Variants in ZDHHC11B observed in about 807,000 individuals in gnomAD.
ZDHHC11B encodes probable palmitoyltransferase ZDHHC11B.
ZDHHC11B carries 17 observed loss-of-function variants against 42.3 expected under a neutral mutation model. The ratio of observed to expected loss-of-function variants is 0.40; its 90% CI spans 0.27 to 0.60. The LOEUF is 0.60. Ranked by LOEUF, ZDHHC11B falls within the 20% of genes least tolerant of loss-of-function variation. ZDHHC11B has a pLI of 0.41. For synonymous variants in ZDHHC11B, 123 were observed against 193.5 expected (o/e 0.64, Z 3.02); for missense variants, 262 against 463.2 (o/e 0.57, Z 3.99).
intron 4 of ZDHHC11B, among the ~76,000 whole-genome samples, chr5:764,426 G>A (rs1233851286): frequency 2.0e-5 from 3 of 151,600 alleles, no homozygotes; most frequent in Admixed American, 6.6e-5. Context: ...GTTCGGGGTG[G>A]GCATGGGCTC....
In ZDHHC11B at chr5:748,623, G is replaced by A. The variant is rs1204469393; in HGVS notation, c.629-64C>T. On this transcript the variant is annotated intron_variant, in intron 7 of 13. Transcript: ENST00000508859. Reference sequence around the variant, plus strand: ...CTGACGGGTGCCACATCAGGTGGATGTCACAGACCAGAGCTTGCTGGGGAT... The same window carrying A: ...CTGACGGGTGCCACATCAGGTGGATATCACAGACCAGAGCTTGCTGGGGAT... 16 of 1,297,320 alleles carry A rather than the reference G, an allele frequency of 1.2e-5. 3 individuals are homozygous for A. The highest frequency in any genetic ancestry group is 1.6e-5 in the Non-Finnish European group (16 of 978,856). 80.4% of individuals were successfully genotyped at this position (1,297,320 alleles called of 1,614,324 possible).
chr5:784,385 G>A (rs1470985951), intron 1 of ZDHHC11B, among the ~76,000 whole-genome samples: 2 of 151,928 alleles, frequency 1.3e-5, no homozygotes, highest in Non-Finnish European at 2.9e-5. Context: ...CACAGGGCCC[G>A]GAGAAAGTGA....
In ZDHHC11B at chr5:711,219, TACTGTGC is replaced by T. The variant is rs1561105485; in HGVS notation, c.*1064_*1070del. 1 of 152,884 alleles carries T rather than the reference TACTGTGC, an allele frequency of 6.5e-6. No individual in the cohort carries two copies. The highest frequency in any genetic ancestry group is 1.4e-5 in the Non-Finnish European group (1 of 69,076). 9.5% of individuals were successfully genotyped at this position (152,884 alleles called of 1,614,324 possible). On this transcript the variant is annotated 3_prime_UTR_variant, in exon 14 of 14. Transcript: ENST00000508859. ...AGTGCTGTGCCCTCCCCTTTCCCAG[TACTGTGC>T]TCCCATTTCCCAATACTGTGCTCCC...
chr5:751,480 CATGCA>C (rs1467435886), intron 6 of ZDHHC11B, among the ~76,000 whole-genome samples: 731 of 28,798 alleles, frequency 0.025, 9 homozygotes, highest in Middle Eastern at 0.05. Flanking sequence ...GGGGCGGGGG[CATGCA>C]GGGCAGGTGG....
chr5:757,306 C>T (rs190147908), intron 4 of ZDHHC11B, among the ~76,000 whole-genome samples: 175 of 151,382 alleles, frequency 1.2e-3, no homozygotes, highest in African/African-American at 3.9e-3. Flanking sequence ...TCCTCCTTGG[C>T]CCCAGGGGTG....
intron 4 of ZDHHC11B, among the ~76,000 whole-genome samples, chr5:759,812 C>T (rs1485724269): frequency 1.3e-5 from 2 of 151,894 alleles, no homozygotes; most frequent in East Asian, 3.9e-4. Context: ...GCTGCAGCCA[C>T]TGGGCCTGGG....
At chr5:725,374 G>GAGAACCA (rs1742519393) in intron 12 of ZDHHC11B, among the ~76,000 whole-genome samples, 1 of 137,998 alleles carries the variant, frequency 7.2e-6, no homozygotes. Context: ...CCCAGGCTCT[G>GAGAACCA]GAATGGTGAG....
chr5:765,766 G>A (rs563737450), intron 4 of ZDHHC11B, among the ~76,000 whole-genome samples: 17 of 152,024 alleles, frequency 1.1e-4, no homozygotes, highest in Admixed American at 5.9e-4. Context: ...CCACCAGAAG[G>A]AAGAAATTCT....
At chr5:774,403 AG>A (rs1289554752) in intron 1 of ZDHHC11B, among the ~76,000 whole-genome samples, 4 of 152,206 alleles carry the variant, frequency 2.6e-5, no homozygotes, top group Admixed American at 6.5e-5. Flanking sequence ...CTCTGTCACT[AG>A]GAACAGGGGT....
chr5:751,550 CATGCAGGGCAGGTGGGGGGTGCAGAG>C lies in ZDHHC11B; in HGVS notation c.504-319_504-294del, dbSNP rs1334957315. 3.9e-3 allele frequency among the ~76,000 whole-genome samples: 130 copies of C among 33,436 alleles called. 1 individual carries two copies. The highest frequency in any genetic ancestry group is 0.011 in the African/African-American group (92 of 8,458). The allele number at this position is 33,436 out of a possible 152,430, so 21.9% of individuals were successfully genotyped here. On this transcript the variant is annotated intron_variant, in intron 6 of 13. Coordinates refer to ENST00000508859, the MANE Select transcript of ZDHHC11B (RefSeq NM_001351303.2). The stretch of plus-strand genomic sequence containing the variant: ...AGGGCATCTGGGGCAGGGGTGGGGG[CATGCAGGGCAGGTGGGGGGTGCAGAG>C]GCAGGGATGGGGACGCGCAGGGCAT...
At chr5:754,667 G>T (rs1354125815) in intron 6 of ZDHHC11B, among the ~76,000 whole-genome samples, 1 of 104,308 alleles carries the variant, frequency 9.6e-6, no homozygotes. Context: ...CCTTGTGCTG[G>T]ATGAGCCTCA....
chr5:783,348 C>T (rs565621038), intron 1 of ZDHHC11B, among the ~76,000 whole-genome samples: 46 of 152,336 alleles, frequency 3.0e-4, no homozygotes, highest in African/African-American at 1.0e-3. Context: ...CCTCACTCCC[C>T]TCCACTTCCT....
chr5:749,523 T>A lies in ZDHHC11B; in HGVS notation c.629-964A>T, dbSNP rs1745328171. 1.5e-5 allele frequency among the ~76,000 whole-genome samples: 2 copies of A among 129,952 alleles called. 1 individual carries two copies. The highest frequency in any genetic ancestry group is 3.4e-5 in the Non-Finnish European group (2 of 58,404). The allele number at this position is 129,952 out of a possible 152,430, so 85.3% of individuals were successfully genotyped here. A position where few individuals can be genotyped will look rare whatever the true frequency, so the allele number is the denominator to read the frequency against. ...AGTGCCTGGGCCGGGCTGGACCCCA[T>A]GCTGCCCCCCTTAGCCAGTGACATC... On this transcript the variant is annotated intron_variant, in intron 7 of 13. Coordinates refer to ENST00000508859, the MANE Select transcript of ZDHHC11B (RefSeq NM_001351303.2).
chr5:763,656 T>A (rs1346949080), intron 4 of ZDHHC11B, among the ~76,000 whole-genome samples: 2 of 151,722 alleles, frequency 1.3e-5, no homozygotes, highest in Admixed American at 1.3e-4. Flanking sequence ...GCACGTGGGC[T>A]CCTGATGTGA....
At position 750,829 on chromosome 5, in the gene ZDHHC11B, C is replaced by T. The variant is rs1470511575; in HGVS notation, c.628+304G>A. Among the ~76,000 whole-genome samples the T allele has an allele frequency of 1.5e-5, 2 of 129,310 alleles. 1 individual carries two copies. The highest frequency in any genetic ancestry group is 3.4e-5 in the Non-Finnish European group (2 of 58,068). The allele number at this position is 129,310 out of a possible 152,430, so 84.8% of individuals were successfully genotyped here. A position where few individuals can be genotyped will look rare whatever the true frequency, so the allele number is the denominator to read the frequency against. On this transcript the variant is annotated intron_variant, in intron 7 of 13. Transcript: ENST00000508859. ...CCACAGGATGGTGTGACAGGTGCTA[C>T]AGGGCTGACTGCGGAGGGCAGGGGC...
chr5:756,883 G>A (rs1378498385), intron 4 of ZDHHC11B, among the ~76,000 whole-genome samples: 2 of 151,604 alleles, frequency 1.3e-5, no homozygotes, highest in Non-Finnish European at 2.9e-5. Flanking sequence ...AGGGACCCCA[G>A]ACTCATTCAG....
rs1741360595 is a variant in ZDHHC11B, at chr5:711,394, ACTGTGCTCCCATTTCCCAGTG to A, written c.*875_*895del. Reference sequence around the variant, plus strand: ...GTGCTGTGAGCTCCCATTTCCTAGTACTGTGCTCCCATTTCCCAGTGCTGTGCTCCCAATTCCCAGTACTGT... The same window carrying A: ...GTGCTGTGAGCTCCCATTTCCTAGTACTGTGCTCCCAATTCCCAGTACTGT... On this transcript the variant is annotated 3_prime_UTR_variant, in exon 14 of 14. Transcript: ENST00000508859. 8.4e-6 allele frequency: 1 copy of A among 118,452 alleles called. No homozygotes were observed. Among genetic ancestry groups the A allele is most frequent in the Non-Finnish European group, 1.7e-5 (1 of 57,590 alleles). 7.3% of individuals were successfully genotyped at this position (118,452 alleles called of 1,614,324 possible).
chr5:765,811 G>C (rs560449562), intron 4 of ZDHHC11B, among the ~76,000 whole-genome samples: 3 of 152,010 alleles, frequency 2.0e-5, no homozygotes, highest in South Asian at 2.1e-4. Flanking sequence ...ACAAACTCCA[G>C]ACACGCCGCC....
intron 10 of ZDHHC11B, among the ~76,000 whole-genome samples, chr5:737,515 C>G (rs1164432562): frequency 6.7e-6 from 1 of 149,192 alleles, no homozygotes; most frequent in African/African-American, 2.5e-5. Context: ...AAACTACAGA[C>G]CAATATCCCT....
Sources: allele counts gnomAD v4.1 joint callset (sites outside exome capture counted in the v4.1 genomes callset), GRCh38; gene constraint gnomAD v4.1.1; transcripts MANE v1.5; gene names NCBI Gene and HGNC (gene_info 2026-07-23, HGNC 2026-07-21).